Variants in NEBL observed in about 807,000 individuals in gnomAD.
NEBL encodes nebulette.
Under a neutral mutation model 140.2 loss-of-function variants are expected in NEBL, and 122 were observed. The observed-to-expected ratio is 0.87, with a 90% CI of 0.75 to 1.01. The LOEUF (loss-of-function observed/expected upper bound fraction) is 1.01, where lower values mean the gene tolerates loss of function less well. Among genes scored for constraint, NEBL ranks in the 50% least tolerant of loss-of-function variants. NEBL has a pLI of 0.00. For missense variants in NEBL, 1,365 were observed against 1,231.3 expected, an observed-to-expected ratio of 1.11 and a Z score of -1.62; for synonymous variants, 436 against 398.9, an observed-to-expected ratio of 1.09 and a Z score of -1.11.
At chr10:21,205,520 C>T (rs1451294215) in intron 3 of NEBL, among the ~76,000 whole-genome samples, 1 of 151,910 alleles carries the variant, frequency 6.6e-6, no homozygotes, top group Non-Finnish European at 1.5e-5. Flanking sequence ...TGAAAAAATA[C>T]TCATGATGTA....
chr10:21,167,564 T>C (rs1445911336), intron 2 of NEBL, among the ~76,000 whole-genome samples: 18 of 152,248 alleles, frequency 1.2e-4, no homozygotes, highest in Admixed American at 1.1e-3. Context: ...TTGGCAATGC[T>C]ACTTCTAAGT....
chr10:20,952,573 A>G (rs938587797), intron 4 of NEBL, among the ~76,000 whole-genome samples: 1 of 152,110 alleles, frequency 6.6e-6, no homozygotes, highest in African/African-American at 2.4e-5. Context: ...TGGAAAGGCA[A>G]CAGGTAGAGG....
chr10:20,940,171 C>T (rs1209290422), intron 4 of NEBL, among the ~76,000 whole-genome samples: 3 of 152,140 alleles, frequency 2.0e-5, no homozygotes, highest in East Asian at 3.8e-4. Context: ...CCAAAATTGA[C>T]CACATAGTTG....
At chr10:20,874,011 C>T (rs1845236456) in intron 5 of NEBL, among the ~76,000 whole-genome samples, 1 of 152,076 alleles carries the variant, frequency 6.6e-6, no homozygotes, top group Admixed American at 6.6e-5. Flanking sequence ...CAAGATGATC[C>T]ACTTTTTCCT....
chr10:20,941,104 G>C (rs1200593174), intron 4 of NEBL, among the ~76,000 whole-genome samples: 1 of 152,158 alleles, frequency 6.6e-6, no homozygotes, highest in African/African-American at 2.4e-5. Context: ...GCATCATCCT[G>C]ATACCAAAGC....
intron 2 of NEBL, among the ~76,000 whole-genome samples, chr10:21,023,675 A>G (rs1457943844): frequency 6.6e-6 from 1 of 152,114 alleles, no homozygotes; most frequent in Non-Finnish European, 1.5e-5. Flanking sequence ...AGCCTGGGAG[A>G]CAGAGTGAGA....
Position 20,782,426 on chromosome 10 carries a change from C to A in NEBL, c.*3321G>T, listed in dbSNP as rs1192290407. 1 of 152,550 alleles carries A rather than the reference C, an allele frequency of 6.6e-6. No individual in the cohort carries two copies. The allele number at this position is 152,550 out of a possible 1,614,324, so 9.4% of individuals were successfully genotyped here. On this transcript the variant is annotated 3_prime_UTR_variant, in exon 28 of 28. Coordinates refer to ENST00000377122, the MANE Select transcript of NEBL (RefSeq NM_006393.3). ...AAACATTCCACTGGAGATGGATGAA[C>A]CTGAAAACGAGGTACATCCCTTGAA...
upstream of NEBL, among the ~76,000 whole-genome samples, chr10:20,900,134 C>T (rs1267843380): frequency 6.6e-6 from 1 of 152,188 alleles, no homozygotes; most frequent in Non-Finnish European, 1.5e-5. Flanking sequence ...TGGGTTGCTC[C>T]AAAAGGCAAA....
At chr10:20,929,507 T>A (rs1834076058) in intron 4 of NEBL, among the ~76,000 whole-genome samples, 1 of 152,180 alleles carries the variant, frequency 6.6e-6, no homozygotes, top group South Asian at 2.1e-4. Flanking sequence ...GCATATTTCA[T>A]CACAGATGCA....
At chr10:21,257,839 C>T (rs961945668) in intron 1 of NEBL, among the ~76,000 whole-genome samples, 5 of 151,568 alleles carry the variant, frequency 3.3e-5, no homozygotes, top group African/African-American at 1.2e-4. Context: ...GAGCCTGGAT[C>T]GCGCCACTGC....
At chr10:20,881,575 AG>A (rs1846019788) in intron 4 of NEBL, among the ~76,000 whole-genome samples, 1 of 152,172 alleles carries the variant, frequency 6.6e-6, no homozygotes, top group Non-Finnish European at 1.5e-5. Context: ...ACAGCAACCA[AG>A]TTATCCCCTT....
intron 2 of NEBL, among the ~76,000 whole-genome samples, chr10:21,062,931 C>T (rs1013264727): frequency 7.9e-5 from 12 of 152,040 alleles, no homozygotes; most frequent in Admixed American, 2.6e-4. Flanking sequence ...AGGACACGAG[C>T]GGCCAAGCTG....
In NEBL at chr10:20,865,884, T is replaced by C. The variant is rs987558552; in HGVS notation, c.684+2780A>G. On this transcript the variant is annotated intron_variant, in intron 7 of 27. Coordinates refer to ENST00000377122, the MANE Select transcript of NEBL (RefSeq NM_006393.3). The stretch of plus-strand genomic sequence containing the variant: ...GTTGTGTCCACTTCATTTTCATTCC[T>C]ACTGTCACAGAGTCTATTCAGGTAC... Among the ~76,000 whole-genome samples, 4 of 152,194 alleles carry C rather than the reference T, an allele frequency of 2.6e-5. No individual in the cohort carries two copies. In the East Asian group the frequency reaches 7.7e-4, roughly 29 times the overall value.
intron 4 of NEBL, among the ~76,000 whole-genome samples, chr10:20,960,873 A>G (rs146427052): frequency 6.6e-6 from 1 of 152,112 alleles, no homozygotes; most frequent in Non-Finnish European, 1.5e-5. Flanking sequence ...GTGACGCACA[A>G]AATACAGTTC....
chr10:21,235,602 A>G (rs1428316260), intron 3 of NEBL, among the ~76,000 whole-genome samples: 1 of 152,202 alleles, frequency 6.6e-6, no homozygotes, highest in African/African-American at 2.4e-5. Context: ...GGCGTAAGCC[A>G]CTGCGCCAGG....
At position 21,125,806 on chromosome 10, in the gene NEBL, C is replaced by G. The variant is rs1838797346; in HGVS notation, c.164+46577G>C. The stretch of plus-strand genomic sequence containing the variant: ...TTATTGTATATGGTATGGTATAAGA[C>G]AGTGTCCTTCAGACATTTACAAAAA... On this transcript the variant is annotated intron_variant, in intron 2 of 6. Coordinates refer to the NEBL transcript ENST00000417816. 6.4e-6 allele frequency: 10 copies of G among 1,561,892 alleles called. No individual in the cohort carries two copies. The South Asian group carries it at 9.0e-5, about 14-fold the overall frequency.
chr10:20,948,657 T>A (rs1280673948), intron 4 of NEBL, among the ~76,000 whole-genome samples: 1 of 152,192 alleles, frequency 6.6e-6, no homozygotes, highest in Non-Finnish European at 1.5e-5. Context: ...TTCACAGCAG[T>A]TGTTAAATTC....
At chr10:20,813,829 C>A in intron 23 of NEBL, 110 bp downstream of exon 23, 4 of 774,834 alleles carry the variant, frequency 5.2e-6, no homozygotes, top group South Asian at 4.3e-5. Context: ...ACAAGCCAAC[C>A]ACATTTCCAT....
In NEBL at chr10:21,214,574, G is replaced by A. The variant is rs184704592; in HGVS notation, n.348+33347C>T. On this transcript the variant is annotated intron_variant and non_coding_transcript_variant, in intron 3 of 8. Transcript: ENST00000675702. ...ACACATGTGCACACATTACACACAC[G>A]CACACATGCACATTACACACACATA... Among the ~76,000 whole-genome samples the A allele has an allele frequency of 7.0e-4, 103 of 146,548 alleles. 1 individual carries two copies. In the Middle Eastern group the frequency reaches 0.031, roughly 45 times the overall value.
Sources: allele counts gnomAD v4.1 joint callset (sites outside exome capture counted in the v4.1 genomes callset), GRCh38; gene constraint gnomAD v4.1.1; transcripts MANE v1.5; gene names NCBI Gene and HGNC (gene_info 2026-07-23, HGNC 2026-07-21).